Variants in CENPN observed in about 807,000 individuals in gnomAD.
The protein encoded by CENPN is interphase centromere complex protein 32.
CENPN carries 36 observed loss-of-function variants against 48.6 expected under a neutral mutation model. The observed-to-expected ratio is 0.74, with a 90% CI of 0.57 to 0.98. The LOEUF (loss-of-function observed/expected upper bound fraction) is 0.98, where lower values mean the gene tolerates loss of function less well. CENPN is among the 50% of genes least tolerant of loss of function. CENPN has a pLI of 0.00. For synonymous variants in CENPN, 166 were observed against 135.2 expected (o/e 1.23, Z -1.58); for missense variants, 439 against 399.2 (o/e 1.10, Z -0.85).
chr16:81,011,327 T>G (rs1359687361), intron 1 of CENPN, among the ~76,000 whole-genome samples: 1 of 152,220 alleles, frequency 6.6e-6, no homozygotes, highest in Admixed American at 6.5e-5. Context: ...TCTCCGGCAC[T>G]CCTCACTTTT....
At chr16:81,014,349 C>T (rs987334984) in intron 3 of CENPN, 168 bp downstream of exon 3, 4 of 612,234 alleles carry the variant, frequency 6.5e-6, no homozygotes, top group Non-Finnish European at 1.2e-5. Flanking sequence ...ATTCTCCAAC[C>T]TCAGCCTCCC....
intron 9 of CENPN, among the ~76,000 whole-genome samples, chr16:81,027,390 C>T (rs1374696144): frequency 1.3e-5 from 2 of 151,990 alleles, no homozygotes; most frequent in East Asian, 1.9e-4. Flanking sequence ...TGCACTGAAG[C>T]GGGAGAATGG....
intron 1 of CENPN, among the ~76,000 whole-genome samples, chr16:81,007,727 A>T (rs1337865808): frequency 6.6e-6 from 1 of 152,192 alleles, no homozygotes; most frequent in Non-Finnish European, 1.5e-5. Context: ...AACGTTACTT[A>T]AAATGGATCT....
At chr16:81,022,402 T>A in intron 6 of CENPN, 195 bp from the exon 7 acceptor site, 1 of 543,694 alleles carries the variant, frequency 1.8e-6, no homozygotes, top group Non-Finnish European at 3.3e-6. Context: ...AAAGACTGCA[T>A]TTATCAGAGT....
intron 7 of CENPN, chr16:81,023,152 A>ATG (rs1970293883): frequency 2.9e-6 from 1 of 342,748 alleles, no homozygotes; most frequent in African/African-American, 2.1e-5. Context: ...AATAATTTGA[A>ATG]TGTAATGTTC....
intron 5 of CENPN, among the ~76,000 whole-genome samples, chr16:81,019,101 T>C (rs1427684885): frequency 6.6e-6 from 1 of 152,274 alleles, no homozygotes; most frequent in Non-Finnish European, 1.5e-5. Flanking sequence ...TTTTAGCTTC[T>C]GAGCTAAATG....
intron 5 of CENPN, 86 bp downstream of exon 5, chr16:81,017,920 A>G: frequency 1.4e-6 from 1 of 738,526 alleles, no homozygotes; most frequent in Non-Finnish European, 2.2e-6. Context: ...GTTTTTTTTT[A>G]ATTTGTAAGA....
chr16:81,018,201 G>A (rs11150335), intron 5 of CENPN, among the ~76,000 whole-genome samples: 27,392 of 151,372 alleles, frequency 0.18, 2,632 homozygotes, highest in East Asian at 0.36. Flanking sequence ...CCTTGAGACA[G>A]AGTCTTACTC....
In CENPN at chr16:81,026,643, G is replaced by C; in HGVS notation, c.810+5G>C. 1 of 1,411,614 alleles carries C rather than the reference G, an allele frequency of 7.1e-7. No individual in the cohort carries two copies. Among genetic ancestry groups the C allele is most frequent in the Non-Finnish European group, 9.9e-7 (1 of 1,007,650 alleles). The allele number at this position is 1,411,614 out of a possible 1,614,324, so 87.4% of individuals were successfully genotyped here. ...CTAGAATTTGCACAATATAAGGTAA[G>C]ATGTCGTAATAAATATTAAGTACAA... is the stretch of plus-strand genomic sequence containing the variant. On this transcript the variant is annotated splice_donor_5th_base_variant and intron_variant, in intron 9 of 10. Coordinates refer to ENST00000305850, the MANE Select transcript of CENPN (RefSeq NM_001100624.3).
At chr16:81,019,038 T>C (rs893303521) in intron 5 of CENPN, among the ~76,000 whole-genome samples, 3 of 152,236 alleles carry the variant, frequency 2.0e-5, no homozygotes, top group Admixed American at 6.5e-5. Flanking sequence ...ATCCATGAAG[T>C]GGATTCAAGG....
intron 8 of CENPN, among the ~76,000 whole-genome samples, chr16:81,025,084 C>T (rs1451273042): frequency 6.6e-6 from 1 of 152,188 alleles, no homozygotes; most frequent in Admixed American, 6.5e-5. Context: ...TTTCCTTAAT[C>T]TTCACAGTAG....
In CENPN at chr16:81,028,922, G is replaced by A; in HGVS notation, c.*271G>A. On this transcript the variant is annotated 3_prime_UTR_variant, in exon 11 of 11. Coordinates refer to ENST00000305850, the MANE Select transcript of CENPN (RefSeq NM_001100624.3). Reference sequence around the variant, plus strand: ...GCCCCACACTTGACCTTGAGTGCCTGAATGCTCTGAAATCAAGCATATGGC... The same window carrying A: ...GCCCCACACTTGACCTTGAGTGCCTAAATGCTCTGAAATCAAGCATATGGC... 1.8e-6 allele frequency: 2 copies of A among 1,109,974 alleles called. No individual in the cohort carries two copies. The highest frequency in any genetic ancestry group is 3.5e-5 in the South Asian group (1 of 28,440). The allele number at this position is 1,109,974 out of a possible 1,614,324, so 68.8% of individuals were successfully genotyped here.
chr16:81,012,067 A>C lies in CENPN; in HGVS notation c.128A>C (p.Gln43Pro), dbSNP rs901471800. Residue 43 changes from glutamine to proline, a missense_variant, in exon 2 of 11, where the codon CAG (glutamine) becomes CCG (proline). By Grantham distance (76) the Gln-to-Pro change is moderately conservative (BLOSUM62 -1). Transcript: ENST00000305850. ...CAACTGCAGACTGTAAATTTCCGAC[A>C]GAGAAAGGAATCTGTAGTTCAGCAC... The part of the protein sequence containing the change: ...ENQLQTVNFR[Q>P]RKESVVQHLI... 8 of 1,614,208 alleles carry C rather than the reference A, an allele frequency of 5.0e-6. No homozygotes were observed. The highest frequency in any genetic ancestry group is 6.8e-6 in the Non-Finnish European group (8 of 1,180,022).
intron 6 of CENPN, 41 bp downstream of exon 6, chr16:81,020,317 C>G: frequency 6.4e-7 from 1 of 1,569,166 alleles, no homozygotes; most frequent in South Asian, 1.2e-5. Flanking sequence ...TTTTATTATC[C>G]TATCTCAAAG....
rs1352921962 is a variant in CENPN at position 81,030,208 on chromosome 16, C to T, written c.*1557C>T. 1.0e-6 allele frequency: 1 copy of T among 985,320 alleles called. No individual in the cohort carries two copies. Among genetic ancestry groups the T allele is most frequent in the Non-Finnish European group, 1.2e-6 (1 of 829,938 alleles). 61.0% of individuals were successfully genotyped at this position (985,320 alleles called of 1,614,324 possible). A position where few individuals can be genotyped will look rare whatever the true frequency, so the allele number is the denominator to read the frequency against. ...GTGTGGAGACACAGCCAAACCATAT[C>T]ACAGGCATGAGCTACCACGCCCGCC... On this transcript the variant is annotated 3_prime_UTR_variant, in exon 11 of 11. Transcript: ENST00000305850.
In CENPN at chr16:81,024,745, C is replaced by T; in HGVS notation, c.664C>T (p.Leu222=). Residue 222 remains leucine, a synonymous_variant, in exon 8 of 11, where the codon CTA becomes TTA. Coordinates refer to ENST00000305850, the MANE Select transcript of CENPN (RefSeq NM_001100624.3). ...TFETHNSTTP[L]QERSLGLDIN... is the part of the protein sequence containing the mutation. ...TGAAACTCACAACTCTACGACACCT[C>T]TACAGGAAAGAAGCCTTGGACTAGA... The T allele has an allele frequency of 6.2e-7, 1 of 1,610,976 alleles. No homozygotes were observed. The highest frequency in any genetic ancestry group is 8.5e-7 in the Non-Finnish European group (1 of 1,178,198).
chr16:81,016,220 T>C (rs1284851664), intron 3 of CENPN, among the ~76,000 whole-genome samples: 7 of 151,954 alleles, frequency 4.6e-5, no homozygotes, highest in Admixed American at 4.6e-4. Context: ...ATCAAACATA[T>C]ACTGAAGCCT....
rs1019942695 is a variant in CENPN at position 81,028,980 on chromosome 16, T to C, written c.*329T>C. ...TCAAGACTTTTGGGTTTGTGTCCTT[T>C]TTTCTATGGCTGTCTCTTCTCAATT... On this transcript the variant is annotated 3_prime_UTR_variant, in exon 11 of 11. Coordinates refer to ENST00000305850, the MANE Select transcript of CENPN (RefSeq NM_001100624.3). 26 of 1,010,362 alleles carry C rather than the reference T, an allele frequency of 2.6e-5. No individual in the cohort carries two copies. The Admixed American group carries it at 3.5e-4, about 14-fold the overall frequency. 62.6% of individuals were successfully genotyped at this position (1,010,362 alleles called of 1,614,324 possible).
intron 5 of CENPN, among the ~76,000 whole-genome samples, chr16:81,018,609 CAA>C (rs2151688264): frequency 6.6e-6 from 1 of 152,264 alleles, no homozygotes; most frequent in African/African-American, 2.4e-5. Flanking sequence ...TAATGTAAAA[CAA>C]AGAAGCTATT....
Sources: gnomAD v4.1 joint callset for allele counts (sites outside exome capture counted in the v4.1 genomes callset) on GRCh38, gnomAD v4.1.1 for gene constraint, MANE v1.5 for transcripts, NCBI Gene and HGNC (gene_info 2026-07-23, HGNC 2026-07-21) for gene names.